BDH2: variants seen among roughly 807,000 people sequenced by gnomAD.
BDH2 encodes the protein 3-hydroxybutyrate dehydrogenase 2, also known as dehydrogenase/reductase SDR family member 6.
A neutral mutation model predicts 33.2 loss-of-function variants in BDH2; 24 were observed. The ratio of observed to expected loss-of-function variants is 0.72; its 90% confidence interval spans 0.52 to 1.02. BDH2 has a LOEUF of 1.02. Among genes scored for constraint, BDH2 ranks in the 50% least tolerant of loss-of-function variants. The pLI, the probability that BDH2 is intolerant of heterozygous loss-of-function variation, is 0.00. For synonymous variants in BDH2, 81 were observed against 101.6 expected, an observed-to-expected ratio of 0.80 and a Z score of 1.22; for missense variants, 249 against 301.6, an observed-to-expected ratio of 0.83 and a Z score of 1.29.
At chr4:103,084,912 A>ACCACCC (rs1747701035) in intron 7 of BDH2, among the ~76,000 whole-genome samples, 1 of 141,376 alleles carries the variant, frequency 7.1e-6, no homozygotes, top group African/African-American at 2.8e-5. Context: ...CCTTTCACAC[A>ACCACCC]CCACCCCCCA....
intron 2 of BDH2, 101 bp from the exon 3 acceptor site, chr4:103,095,382 T>A (rs765029070): frequency 4.8e-5 from 42 of 874,390 alleles, no homozygotes; most frequent in Non-Finnish European, 7.2e-5. Context: ...CTTATTTTCA[T>A]TGTTCTTTTC....
chr4:103,091,677 T>C (rs1435532799), intron 4 of BDH2: 1 of 454,812 alleles, frequency 2.2e-6, no homozygotes, highest in Admixed American at 2.4e-5. Flanking sequence ...CCCAGGAGTT[T>C]TAGGATGCAG....
chr4:103,079,988 C>G (rs767867135), intron 9 of BDH2, among the ~76,000 whole-genome samples: 11 of 152,214 alleles, frequency 7.2e-5, no homozygotes, highest in Non-Finnish European at 7.3e-5. Context: ...GCACCTGTCA[C>G]TGTTAGGTAT....
At chr4:103,095,620 T>C (rs1364560863) in intron 2 of BDH2, among the ~76,000 whole-genome samples, 1 of 152,188 alleles carries the variant, frequency 6.6e-6, no homozygotes, top group East Asian at 1.9e-4. Flanking sequence ...TGAGTTTGAG[T>C]TACTAAACTC....
chr4:103,083,468 G>C (rs561307159), intron 7 of BDH2, among the ~76,000 whole-genome samples: 12 of 152,078 alleles, frequency 7.9e-5, no homozygotes, highest in Non-Finnish European at 1.8e-4. Context: ...TATTTTCATT[G>C]TTTCAAATGC....
intron 5 of BDH2, among the ~76,000 whole-genome samples, chr4:103,089,001 T>C (rs1747940133): frequency 1.3e-5 from 2 of 152,206 alleles, no homozygotes; most frequent in African/African-American, 2.4e-5. Context: ...GGATTCTGCA[T>C]TGACCTCTTC....
In BDH2 at chr4:103,093,846, G is replaced by C. The variant is rs1748233195; in HGVS notation, c.152-1150C>G. The stretch of plus-strand genomic sequence containing the variant: ...TAGAAATAAAAGATTCATAAAGAAA[G>C]GGAAGACTTGAAATTTTGTTTCAGA... On this transcript the variant is annotated intron_variant, in intron 3 of 9. Coordinates refer to ENST00000296424, the MANE Select transcript of BDH2 (RefSeq NM_020139.4). Among the ~76,000 whole-genome samples, 4 of 150,872 alleles carry C rather than the reference G, an allele frequency of 2.7e-5. No homozygotes were observed. In the South Asian group the frequency reaches 8.3e-4, roughly 31 times the overall value.
At chr4:103,091,505 C>A (rs1748087681) in intron 4 of BDH2, 1 of 454,756 alleles carries the variant, frequency 2.2e-6, no homozygotes, top group East Asian at 4.2e-5. Context: ...GTTTTCCAAA[C>A]AAAAGTATGG....
chr4:103,093,589 A>C (rs1748213657), intron 3 of BDH2, among the ~76,000 whole-genome samples: 1 of 148,000 alleles, frequency 6.8e-6, no homozygotes, highest in African/African-American at 2.5e-5. Flanking sequence ...ATAATTTATA[A>C]TATATACAAT....
intron 1 of BDH2, 104 bp from the exon 2 acceptor site, chr4:103,096,378 G>A (rs1310532547): frequency 3.0e-6 from 2 of 670,094 alleles, no homozygotes; most frequent in African/African-American, 3.5e-5. Context: ...GAATAATTTA[G>A]TGAGCTCCTT....
Position 103,095,202 on chromosome 4 carries a change from C to G in BDH2, c.151+1G>C, listed in dbSNP as rs748268979. 2.7e-5 allele frequency: 43 copies of G among 1,613,056 alleles called. No individual in the cohort carries two copies. Among genetic ancestry groups the G allele is most frequent in the Non-Finnish European group, 3.6e-5 (42 of 1,179,318 alleles). ...CAAATTCAAGCTGCTGAGTTGCTTA[C>G]CCGGGTACTTTTCCAGTTCCTGAAG... On this transcript the variant is annotated splice_donor_variant, in intron 3 of 9. Coordinates refer to ENST00000296424, the MANE Select transcript of BDH2 (RefSeq NM_020139.4). LOFTEE classifies it high-confidence loss of function.
intron 3 of BDH2, among the ~76,000 whole-genome samples, chr4:103,094,326 A>T (rs1748255752): frequency 6.6e-6 from 1 of 152,226 alleles, no homozygotes; most frequent in African/African-American, 2.4e-5. Flanking sequence ...ACACTCTTGC[A>T]GTTATAAGAC....
rs768398579 is a variant in BDH2 at position 103,078,000 on chromosome 4, C to G, written c.*1702G>C. Among the ~76,000 whole-genome samples, 5 of 152,312 alleles carry G rather than the reference C, an allele frequency of 3.3e-5. No homozygotes were observed. Among genetic ancestry groups the G allele is most frequent in the Middle Eastern group, 6.8e-3 (2 of 292 alleles). Reference sequence around the variant, plus strand: ...GTGAATTTTAATGTACCGTCATCAACTGCATGATATTCTTCCCCATACACA... The same window carrying G: ...GTGAATTTTAATGTACCGTCATCAAGTGCATGATATTCTTCCCCATACACA... On this transcript the variant is annotated 3_prime_UTR_variant, in exon 10 of 10. Coordinates refer to ENST00000296424, the MANE Select transcript of BDH2 (RefSeq NM_020139.4).
chr4:103,088,357 T>C (rs1747902609), intron 5 of BDH2, among the ~76,000 whole-genome samples: 1 of 152,220 alleles, frequency 6.6e-6, no homozygotes, highest in African/African-American at 2.4e-5. Flanking sequence ...TCTAGTCCTC[T>C]CTAGAAATGC....
At chr4:103,079,851 AC>A in intron 9 of BDH2, 96 bp from the exon 10 acceptor site, 1 of 1,131,484 alleles carries the variant, frequency 8.8e-7, no homozygotes, top group Non-Finnish European at 1.3e-6. Context: ...TAAACAATTT[AC>A]CCTTGTCCTA....
Position 103,091,302 on chromosome 4 carries a change from A to G in BDH2, c.249-17T>C, listed in dbSNP as rs549075878. The G allele has an allele frequency of 6.5e-7, 1 of 1,538,564 alleles. No individual in the cohort carries two copies. The highest frequency in any genetic ancestry group is 1.7e-5 in the Admixed American group (1 of 58,284). On this transcript the variant is annotated splice_polypyrimidine_tract_variant and intron_variant, in intron 4 of 9. Transcript: ENST00000296424. Reference sequence around the variant, plus strand: ...TGGACAAAACTAGAAGAGTGATTAAACAATGGAAGAATAACTGCCATTAAA... The same window carrying G: ...TGGACAAAACTAGAAGAGTGATTAAGCAATGGAAGAATAACTGCCATTAAA...
intron 6 of BDH2, chr4:103,085,872 G>A: frequency 8.2e-7 from 1 of 1,215,528 alleles, no homozygotes; most frequent in Non-Finnish European, 1.0e-6. Flanking sequence ...GAGAAGAAAT[G>A]GTATCTCAGC....
Position 103,091,252 on chromosome 4 carries a change from C to T in BDH2, c.282G>A (p.Glu94=). ...FVHHGTVLDC[E]EKDWDFSMNL... is the part of the protein sequence containing the mutation. The stretch of plus-strand genomic sequence containing the variant: ...TCATCGAGAAGTCCCAGTCTTTCTC[C>T]TCACAATCCAGGACAGTTCCATGAT... Residue 94 remains glutamate (E), a synonymous_variant, in exon 5 of 10, where the codon GAG becomes GAA. Transcript: ENST00000296424. 20 of 1,613,388 alleles carry T rather than the reference C, an allele frequency of 1.2e-5. No individual in the cohort carries two copies. The highest frequency in any genetic ancestry group is 1.7e-5 in the Non-Finnish European group (20 of 1,179,518).
At chr4:103,097,176 A>G (rs548740176) in intron 1 of BDH2, among the ~76,000 whole-genome samples, 19 of 152,218 alleles carry the variant, frequency 1.2e-4, no homozygotes, top group Non-Finnish European at 2.1e-4. Flanking sequence ...AACATGCCCA[A>G]TGTCATAGAG....
Sources: gnomAD v4.1 joint callset for allele counts (sites outside exome capture counted in the v4.1 genomes callset) on GRCh38, gnomAD v4.1.1 for gene constraint, MANE v1.5 for transcripts, NCBI Gene and HGNC (gene_info 2026-07-23, HGNC 2026-07-21) for gene names.